TMEM132D: variants seen among roughly 807,000 people sequenced by gnomAD.
TMEM132D encodes transmembrane protein 132D, also known as mature OL transmembrane protein.
TMEM132D carries 21 observed loss-of-function variants against 62.3 expected under a neutral mutation model. The observed-to-expected ratio is 0.34, with a 90% confidence interval of 0.24 to 0.49. The LOEUF is 0.49. Ranked by LOEUF, TMEM132D falls within the 20% of genes least tolerant of loss-of-function variation. TMEM132D has a pLI of 0.99. For missense variants in TMEM132D, 1,346 were observed against 1,402.8 expected (o/e 0.96, Z 0.65); for synonymous variants, 621 against 575.6 (o/e 1.08, Z -1.13).
intron 5 of TMEM132D, among the ~76,000 whole-genome samples, chr12:129,207,574 A>ACTC (rs1878892183): frequency 6.6e-6 from 1 of 152,108 alleles, no homozygotes; most frequent in South Asian, 2.1e-4. Context: ...TTAAAGGCAG[A>ACTC]GGGAGGAGAG....
Position 129,372,487 on chromosome 12 carries a change from G to T in TMEM132D, c.1116-34670C>A, listed in dbSNP as rs149372263. Among the ~76,000 whole-genome samples the T allele has an allele frequency of 2.7e-3, 413 of 152,236 alleles. 3 individuals are homozygous for T. Among genetic ancestry groups the T allele is most frequent in the African/African-American group, 9.4e-3 (391 of 41,526 alleles). On this transcript the variant is annotated intron_variant, in intron 3 of 8. Coordinates refer to ENST00000422113, the MANE Select transcript of TMEM132D (RefSeq NM_133448.3). The stretch of plus-strand genomic sequence containing the variant: ...TTAGAGGCCACATGGTAGGAGGTGA[G>T]TAGTGGGCTAGCAAGTGAAGCTTCA...
At chr12:129,409,842 C>T (rs1871911323) in intron 3 of TMEM132D, among the ~76,000 whole-genome samples, 1 of 152,214 alleles carries the variant, frequency 6.6e-6, no homozygotes. Flanking sequence ...GAGGAAGCTG[C>T]ATCATGCTTG....
intron 2 of TMEM132D, among the ~76,000 whole-genome samples, chr12:129,585,255 T>C (rs1877991468): frequency 6.6e-6 from 1 of 152,308 alleles, no homozygotes; most frequent in African/African-American, 2.4e-5. Flanking sequence ...GAGTGTTACA[T>C]ACACACTGTC....
intron 2 of TMEM132D, among the ~76,000 whole-genome samples, chr12:129,552,334 CCTAT>C (rs1480562485): frequency 6.6e-6 from 1 of 152,102 alleles, no homozygotes; most frequent in Non-Finnish European, 1.5e-5. Flanking sequence ...TATCTGGCTA[CCTAT>C]CTACTTATTA....
intron 3 of TMEM132D, among the ~76,000 whole-genome samples, chr12:129,414,268 G>A (rs796797332): frequency 1.3e-5 from 2 of 152,114 alleles, no homozygotes; most frequent in African/African-American, 2.4e-5. Context: ...TGAATCTTCC[G>A]GCTCATTATG....
At chr12:129,666,008 C>A (rs1880368292) in intron 2 of TMEM132D, among the ~76,000 whole-genome samples, 1 of 152,158 alleles carries the variant, frequency 6.6e-6, no homozygotes, top group African/African-American at 2.4e-5. Flanking sequence ...ACTGAAACCA[C>A]CTAAATGGGC....
chr12:129,520,859 A>C lies in TMEM132D; in HGVS notation c.1115+10200T>G, dbSNP rs1039150003. Among the ~76,000 whole-genome samples the C allele has an allele frequency of 3.9e-5, 6 of 152,302 alleles. 1 individual carries two copies. The Middle Eastern group carries it at 0.02, about 518-fold the overall frequency. On this transcript the variant is annotated intron_variant, in intron 3 of 8. Transcript: ENST00000422113. ...GTTTTCTGCCTGTAGATCTGCTATA[A>C]TAAGGACCTATAGACCAAACAAAAT...
chr12:129,229,698 A>G (rs939815166), intron 4 of TMEM132D, among the ~76,000 whole-genome samples: 4 of 152,220 alleles, frequency 2.6e-5, no homozygotes, highest in African/African-American at 9.6e-5. Flanking sequence ...CTCAGACTTC[A>G]TTTAACTAAA....
intron 5 of TMEM132D, among the ~76,000 whole-genome samples, chr12:129,143,868 A>G (rs1464318130): frequency 6.6e-6 from 1 of 152,046 alleles, no homozygotes; most frequent in Non-Finnish European, 1.5e-5. Context: ...CAATTTGAGA[A>G]CTCAAATTGT....
At chr12:129,701,462 A>T (rs527655027) in intron 1 of TMEM132D, among the ~76,000 whole-genome samples, 31 of 152,320 alleles carry the variant, frequency 2.0e-4, no homozygotes, top group Non-Finnish European at 4.1e-4. Flanking sequence ...CAAGTCATCT[A>T]TGAAACACTG....
chr12:129,555,403 AC>A (rs1365581967), intron 2 of TMEM132D, among the ~76,000 whole-genome samples: 1 of 152,198 alleles, frequency 6.6e-6, no homozygotes, highest in East Asian at 1.9e-4. Context: ...CCCTGGGATG[AC>A]CCTGCTTGAG....
At chr12:129,627,804 T>G (rs1431770433) in intron 2 of TMEM132D, among the ~76,000 whole-genome samples, 2 of 152,084 alleles carry the variant, frequency 1.3e-5, no homozygotes, top group Non-Finnish European at 2.9e-5. Context: ...CTGGGCAACA[T>G]GGCAAAACCT....
At chr12:129,101,983 T>TG (rs146997373) in intron 5 of TMEM132D, among the ~76,000 whole-genome samples, 31 of 132,398 alleles carry the variant, frequency 2.3e-4, no homozygotes, top group African/African-American at 6.9e-4. Context: ...TCAAAGCTGC[T>TG]GTTTTTTTTT....
intron 2 of TMEM132D, among the ~76,000 whole-genome samples, chr12:129,591,000 T>C (rs11060456): frequency 0.03 from 4,594 of 152,190 alleles, 210 homozygotes; most frequent in African/African-American, 0.091. Flanking sequence ...AAGCTATGGA[T>C]GTGTTATGGT....
At chr12:129,196,807 T>C (rs1359792624) in intron 5 of TMEM132D, among the ~76,000 whole-genome samples, 1 of 152,318 alleles carries the variant, frequency 6.6e-6, no homozygotes, top group South Asian at 2.1e-4. Context: ...TTTCCAGGAA[T>C]TGATATATAC....
At chr12:129,472,375 G>A (rs1335673019) in intron 3 of TMEM132D, among the ~76,000 whole-genome samples, 2 of 152,160 alleles carry the variant, frequency 1.3e-5, no homozygotes, top group African/African-American at 4.8e-5. Context: ...ATAAGTGGGA[G>A]TTGAGCAATG....
intron 2 of TMEM132D, among the ~76,000 whole-genome samples, chr12:129,577,203 G>A (rs1213833687): frequency 2.0e-5 from 3 of 151,738 alleles, no homozygotes; most frequent in Non-Finnish European, 4.4e-5. Flanking sequence ...AACTGCCCAT[G>A]CCAAGATGGC....
At position 129,165,680 on chromosome 12, in the gene TMEM132D, C is replaced by T. The variant is rs560831877; in HGVS notation, c.1443+43840G>A. Among the ~76,000 whole-genome samples, 45 of 102,880 alleles carry T rather than the reference C, an allele frequency of 4.4e-4. 1 individual carries two copies. The South Asian group carries it at 0.013, about 30-fold the overall frequency. 67.5% of individuals were successfully genotyped at this position (102,880 alleles called of 152,430 possible). ...GGCAGAGCAGTGTCAAACATTTCTT[C>T]TTTTTTTTTTTCCCCTACAAAAGAG... is the stretch of plus-strand genomic sequence containing the variant. On this transcript the variant is annotated intron_variant, in intron 5 of 8. Transcript: ENST00000422113.
At chr12:129,793,799 C>G (rs1270612568) in intron 1 of TMEM132D, among the ~76,000 whole-genome samples, 1 of 152,202 alleles carries the variant, frequency 6.6e-6, no homozygotes, top group African/African-American at 2.4e-5. Context: ...ATGCCTTAAA[C>G]TTGTCACAAA....
Sources: gnomAD v4.1 joint callset for allele counts (sites outside exome capture counted in the v4.1 genomes callset) on GRCh38, gnomAD v4.1.1 for gene constraint, MANE v1.5 for transcripts, NCBI Gene and HGNC (gene_info 2026-07-23, HGNC 2026-07-21) for gene names.